Variants in MAGI2 observed in about 807,000 individuals in gnomAD.
The protein encoded by MAGI2 is membrane-associated guanylate kinase, WW and PDZ domain-containing protein 2.
In MAGI2, 35 loss-of-function variants were observed where a neutral mutation model predicts 133.3. The observed-to-expected ratio is 0.26, with a 90% CI of 0.20 to 0.35. The LOEUF is 0.35. Ranked by LOEUF, MAGI2 falls within the 10% of genes least tolerant of loss-of-function variation. The pLI is 1.00. For synonymous variants in MAGI2, 729 were observed against 710.6 expected (o/e 1.03, Z -0.41); for missense variants, 1,636 against 1,863.4 (o/e 0.88, Z 2.25).
intron 9 of MAGI2, among the ~76,000 whole-genome samples, chr7:78,327,202 G>A (rs1788673490): frequency 1.3e-5 from 2 of 152,164 alleles, no homozygotes; most frequent in African/African-American, 2.4e-5. Flanking sequence ...GAAGACAGCT[G>A]GCTCAAGTCA....
At chr7:79,004,418 A>T (rs1260621214) in intron 2 of MAGI2, among the ~76,000 whole-genome samples, 1 of 152,142 alleles carries the variant, frequency 6.6e-6, no homozygotes, top group East Asian at 1.9e-4. Flanking sequence ...GATTCCATGG[A>T]GATAGAAGGA....
At chr7:78,300,876 G>A (rs1797761382) in intron 9 of MAGI2, among the ~76,000 whole-genome samples, 1 of 152,134 alleles carries the variant, frequency 6.6e-6, no homozygotes. Context: ...TTTGAAATAG[G>A]CTTTCACCTG....
At chr7:78,357,264 A>G (rs1190869381) in intron 7 of MAGI2, among the ~76,000 whole-genome samples, 3 of 152,218 alleles carry the variant, frequency 2.0e-5, no homozygotes, top group Non-Finnish European at 4.4e-5. Flanking sequence ...CAGCAGTAAT[A>G]GTATCTCCCA....
At chr7:79,422,515 C>G (rs894362173) in intron 1 of MAGI2, among the ~76,000 whole-genome samples, 1 of 151,722 alleles carries the variant, frequency 6.6e-6, no homozygotes, top group Admixed American at 6.6e-5. Context: ...TACATTTTCC[C>G]CTTGCAATTA....
chr7:78,781,011 T>C (rs928005183), intron 2 of MAGI2, among the ~76,000 whole-genome samples: 1 of 152,210 alleles, frequency 6.6e-6, no homozygotes, highest in Non-Finnish European at 1.5e-5. Flanking sequence ...GTTTGGGGAA[T>C]GACTTCTGAT....
At chr7:78,350,554 T>G (rs891829286) in intron 7 of MAGI2, 12 of 152,198 alleles carry the variant, frequency 7.9e-5, no homozygotes, top group Non-Finnish European at 1.6e-4. Flanking sequence ...TGCAGAAGCC[T>G]CTTTTTCTAT....
intron 1 of MAGI2, among the ~76,000 whole-genome samples, chr7:79,127,350 T>C (rs1292676773): frequency 6.6e-6 from 1 of 152,118 alleles, no homozygotes; most frequent in Non-Finnish European, 1.5e-5. Flanking sequence ...GTATTTCTAG[T>C]TCTAGATCCC....
At chr7:79,418,830 TACACAC>T (rs57172659) in intron 1 of MAGI2, among the ~76,000 whole-genome samples, 21,219 of 137,630 alleles carry the variant, frequency 0.15, 1,492 homozygotes, top group East Asian at 0.23. Context: ...CCAATACACA[TACACAC>T]ACACACACAC....
intron 1 of MAGI2, among the ~76,000 whole-genome samples, chr7:79,225,184 C>A (rs929840089): frequency 6.6e-6 from 1 of 152,150 alleles, no homozygotes; most frequent in Non-Finnish European, 1.5e-5. Context: ...CCTGTGCATA[C>A]ATTTGTCTCT....
intron 6 of MAGI2, among the ~76,000 whole-genome samples, chr7:78,434,141 C>T (rs1490316588): frequency 6.6e-6 from 1 of 152,100 alleles, no homozygotes; most frequent in East Asian, 1.9e-4. Flanking sequence ...GTACTTAGCT[C>T]TTTAATGCTT....
chr7:79,007,912 T>C (rs973258184), intron 1 of MAGI2, among the ~76,000 whole-genome samples: 2 of 152,034 alleles, frequency 1.3e-5, no homozygotes, highest in African/African-American at 4.8e-5. Flanking sequence ...TTTTCCTTTT[T>C]TCAATTCAAA....
chr7:79,359,845 C>A (rs1585699389), intron 1 of MAGI2, among the ~76,000 whole-genome samples: 1 of 152,082 alleles, frequency 6.6e-6, no homozygotes, highest in South Asian at 2.1e-4. Context: ...CAACCCTTAA[C>A]CCTTTTCCCA....
At chr7:78,582,198 A>G (rs1456258890) in intron 3 of MAGI2, among the ~76,000 whole-genome samples, 1 of 152,176 alleles carries the variant, frequency 6.6e-6, no homozygotes, top group Non-Finnish European at 1.5e-5. Flanking sequence ...ATTTTTGAAA[A>G]TGGCTTGGTT....
chr7:79,077,763 G>T (rs886112325), intron 1 of MAGI2, among the ~76,000 whole-genome samples: 1 of 151,850 alleles, frequency 6.6e-6, no homozygotes, highest in Non-Finnish European at 1.5e-5. Context: ...AATATATGTT[G>T]CAGAAAATAA....
At chr7:78,132,082 T>C (rs1288612155) in intron 18 of MAGI2, among the ~76,000 whole-genome samples, 3 of 152,168 alleles carry the variant, frequency 2.0e-5, no homozygotes, top group Admixed American at 6.5e-5. Flanking sequence ...ACCACGTTGC[T>C]CAGGCTGGTC....
chr7:78,108,880 T>A (rs1819005583), intron 20 of MAGI2, among the ~76,000 whole-genome samples: 2 of 152,022 alleles, frequency 1.3e-5, no homozygotes, highest in Admixed American at 6.5e-5. Context: ...TATCAATATA[T>A]GTAACATGAT....
chr7:78,355,490 A>T (rs982897071), intron 7 of MAGI2, among the ~76,000 whole-genome samples: 15 of 152,232 alleles, frequency 9.9e-5, no homozygotes, highest in African/African-American at 3.1e-4. Flanking sequence ...CCGAGCGAAT[A>T]CTATATGCTG....
chr7:79,024,217 AAAAC>A lies in MAGI2; in HGVS notation c.302-17015_302-17012del, dbSNP rs547511464. ...CATCTGATCTTTGAGAAAATCCACA[AAAAC>A]AAGCAATGGGGAAAGTATCCCTATT... is the stretch of plus-strand genomic sequence containing the variant. On this transcript the variant is annotated intron_variant, in intron 1 of 21. Transcript: ENST00000354212. 3.6e-3 allele frequency among the ~76,000 whole-genome samples: 549 copies of A among 152,306 alleles called. 7 individuals are homozygous for A. Among genetic ancestry groups the A allele is most frequent in the African/African-American group, 0.013 (520 of 41,576 alleles).
intron 1 of MAGI2, among the ~76,000 whole-genome samples, chr7:79,182,982 G>T (rs1826752735): frequency 6.6e-6 from 1 of 151,856 alleles, no homozygotes; most frequent in Non-Finnish European, 1.5e-5. Flanking sequence ...CCATATGTGA[G>T]AGCTAAAAAA....
Sources: gnomAD v4.1 joint callset for allele counts (sites outside exome capture counted in the v4.1 genomes callset) on GRCh38, gnomAD v4.1.1 for gene constraint, MANE v1.5 for transcripts, NCBI Gene and HGNC (gene_info 2026-07-23, HGNC 2026-07-21) for gene names.